Variants in SAMMSON observed in about 807,000 individuals in gnomAD.
SAMMSON encodes long intergenic non-protein coding RNA 1212.
intron 3 of SAMMSON, among the ~76,000 whole-genome samples, chr3:70,027,792 C>T (rs1450137108): frequency 1.3e-5 from 2 of 152,124 alleles, no homozygotes; most frequent in African/African-American, 2.4e-5. Context: ...CAAAGGACAG[C>T]ACTGATGATA....
intron 6 of SAMMSON, among the ~76,000 whole-genome samples, chr3:70,251,990 G>A (rs1701773707): frequency 6.6e-6 from 1 of 152,132 alleles, no homozygotes; most frequent in African/African-American, 2.4e-5. Context: ...ACGTGTTAAG[G>A]AACTAAAATT....
chr3:70,092,737 C>G (rs937722147), intron 4 of SAMMSON, among the ~76,000 whole-genome samples: 1 of 152,016 alleles, frequency 6.6e-6, no homozygotes, highest in African/African-American at 2.4e-5. Flanking sequence ...TACCTGTTCA[C>G]TTGGTATCTC....
At chr3:70,106,630 G>A (rs2067368280) in intron 4 of SAMMSON, among the ~76,000 whole-genome samples, 1 of 151,826 alleles carries the variant, frequency 6.6e-6, no homozygotes, top group African/African-American at 2.4e-5. Context: ...GTGGGCCACA[G>A]CGCCTAGCCA....
chr3:70,411,655 G>T (rs972592119), intron 2 of SAMMSON, among the ~76,000 whole-genome samples: 1 of 152,076 alleles, frequency 6.6e-6, no homozygotes, highest in African/African-American at 2.4e-5. Flanking sequence ...TTTTCTTGTG[G>T]TGTTCTCGTG....
At chr3:70,037,305 A>C (rs2067088990) in intron 3 of SAMMSON, among the ~76,000 whole-genome samples, 1 of 152,086 alleles carries the variant, frequency 6.6e-6, no homozygotes, top group Non-Finnish European at 1.5e-5. Flanking sequence ...CATATGATCG[A>C]AGAAGGGTCA....
chr3:70,337,095 T>C (rs978266620), intron 7 of SAMMSON, among the ~76,000 whole-genome samples: 1 of 41,088 alleles, frequency 2.4e-5, no homozygotes, highest in Non-Finnish European at 6.0e-5. Context: ...TTATTAATAA[T>C]AATATCTAAC....
At chr3:70,406,199 A>T (rs1430121068) in intron 2 of SAMMSON, among the ~76,000 whole-genome samples, 2 of 152,232 alleles carry the variant, frequency 1.3e-5, no homozygotes, top group East Asian at 3.8e-4. Context: ...ATAAACAAAT[A>T]CAAGGAAACA....
At chr3:70,230,489 C>T (rs558351913) in intron 4 of SAMMSON, among the ~76,000 whole-genome samples, 12 of 80,036 alleles carry the variant, frequency 1.5e-4, no homozygotes, top group African/African-American at 2.4e-4. Context: ...TAGACAAATT[C>T]GAGATGAATC....
intron 1 of SAMMSON, among the ~76,000 whole-genome samples, chr3:70,007,907 C>A (rs2066935320): frequency 6.6e-6 from 1 of 152,068 alleles, no homozygotes; most frequent in African/African-American, 2.4e-5. Flanking sequence ...ATGGGGAATC[C>A]TTTCCCCATT....
intron 7 of SAMMSON, among the ~76,000 whole-genome samples, chr3:70,338,054 T>C (rs1386210837): frequency 6.6e-6 from 1 of 151,626 alleles, no homozygotes; most frequent in Non-Finnish European, 1.5e-5. Flanking sequence ...AAATTTATAA[T>C]ACATTTCAAA....
intron 4 of SAMMSON, among the ~76,000 whole-genome samples, chr3:70,244,261 A>G (rs962163053): frequency 2.0e-5 from 3 of 152,244 alleles, no homozygotes; most frequent in Non-Finnish European, 4.4e-5. Context: ...CGTGATGAGT[A>G]TTCTCTGTTC....
intron 3 of SAMMSON, among the ~76,000 whole-genome samples, chr3:70,016,829 T>C (rs2066988173): frequency 6.6e-6 from 1 of 152,162 alleles, no homozygotes; most frequent in African/African-American, 2.4e-5. Context: ...CCCAGCACCA[T>C]TTATTAAATA....
chr3:70,204,646 C>T (rs951521195), intron 4 of SAMMSON: 2 of 150,098 alleles, frequency 1.3e-5, no homozygotes, highest in African/African-American at 4.9e-5. Flanking sequence ...GAGTAGTCAG[C>T]TATTTTCTTT....
At chr3:70,417,005 GAC>G (rs1182500608) in intron 2 of SAMMSON, among the ~76,000 whole-genome samples, 1 of 151,918 alleles carries the variant, frequency 6.6e-6, no homozygotes, top group Non-Finnish European at 1.5e-5. Flanking sequence ...CAACTTCCAT[GAC>G]AGACATCACT....
At position 70,250,025 on chromosome 3, in the gene SAMMSON, C is replaced by A. The variant is rs796750833; in HGVS notation, n.674+355C>A. 2.0e-5 allele frequency among the ~76,000 whole-genome samples: 3 copies of A among 152,192 alleles called. No individual in the cohort carries two copies. In the Middle Eastern group the frequency reaches 0.01, roughly 518 times the overall value. On this transcript the variant is annotated intron_variant and non_coding_transcript_variant, in intron 6 of 9. Coordinates refer to ENST00000642114, the Ensembl canonical transcript of SAMMSON. ...AAAATCTAGAGAGAAGTTCTGGCTT[C>A]GAGTTGTTTATTAAGTTATTCTTTT... is the stretch of plus-strand genomic sequence containing the variant.
chr3:70,210,080 G>A (rs548264017), intron 4 of SAMMSON, among the ~76,000 whole-genome samples: 8 of 152,176 alleles, frequency 5.3e-5, no homozygotes, highest in African/African-American at 1.7e-4. Flanking sequence ...TTTGCACAAA[G>A]TAATTCAGTA....
At chr3:70,011,022 A>G (rs975552192) in intron 1 of SAMMSON, among the ~76,000 whole-genome samples, 6 of 152,262 alleles carry the variant, frequency 3.9e-5, no homozygotes, top group Admixed American at 3.3e-4. Context: ...TGTAGGGATT[A>G]CAATTCAAGG....
At chr3:70,385,041 T>A (rs374430768) in intron 9 of SAMMSON, among the ~76,000 whole-genome samples, 8 of 152,086 alleles carry the variant, frequency 5.3e-5, no homozygotes, top group African/African-American at 7.2e-5. Context: ...GGGAATTAAT[T>A]AAACAAAATG....
intron 3 of SAMMSON, among the ~76,000 whole-genome samples, chr3:70,046,707 A>T: frequency 6.6e-6 from 1 of 152,128 alleles, no homozygotes; most frequent in Non-Finnish European, 1.5e-5. Context: ...ATTATTGTAC[A>T]GTTCTGGGGC....
Sources: gnomAD v4.1 joint callset for allele counts (sites outside exome capture counted in the v4.1 genomes callset) on GRCh38, gnomAD v4.1.1 for gene constraint, MANE v1.5 for transcripts, NCBI Gene and HGNC (gene_info 2026-07-23, HGNC 2026-07-21) for gene names.